Variants in TRMT11 observed in about 807,000 individuals in gnomAD.
TRMT11 encodes tRNA (guanine(10)-N(2))-methyltransferase TRMT11.
A neutral mutation model predicts 62.8 loss-of-function variants in TRMT11; 53 were observed. That is an observed-to-expected ratio of 0.84 (90% CI 0.68 to 1.06). The LOEUF (loss-of-function observed/expected upper bound fraction) is 1.06, where lower values mean the gene tolerates loss of function less well. TRMT11 is among the 50% of genes least tolerant of loss of function. The pLI, the probability that TRMT11 is intolerant of heterozygous loss-of-function variation, is 0.00. For missense variants in TRMT11, 556 were observed against 553.4 expected, an observed-to-expected ratio of 1.00 and a Z score of -0.05; for synonymous variants, 188 against 190.3, an observed-to-expected ratio of 0.99 and a Z score of 0.10.
At chr6:125,987,534 A>C (rs1789858458) in intron 1 of TRMT11, among the ~76,000 whole-genome samples, 2 of 152,194 alleles carry the variant, frequency 1.3e-5, no homozygotes, top group Non-Finnish European at 2.9e-5. Flanking sequence ...CCACAAAATT[A>C]AATCAGTTTG....
chr6:126,163,104 G>A (rs1778215211), intron 21 of TRMT11, among the ~76,000 whole-genome samples: 1 of 152,138 alleles, frequency 6.6e-6, no homozygotes, highest in Non-Finnish European at 1.5e-5. Context: ...GGTTGAGTAG[G>A]AGTGGTGAGA....
At chr6:126,029,070 C>T (rs1425209025) in intron 12 of TRMT11, among the ~76,000 whole-genome samples, 1 of 152,040 alleles carries the variant, frequency 6.6e-6, no homozygotes, top group African/African-American at 2.4e-5. Context: ...TTTAGAGCTT[C>T]TTTTATAATT....
chr6:126,177,522 G>A (rs771488984), intron 1 of TRMT11, among the ~76,000 whole-genome samples: 7 of 151,980 alleles, frequency 4.6e-5, no homozygotes, highest in Non-Finnish European at 1.0e-4. Context: ...TTATATATGT[G>A]CAATAAAGCT....
the TRMT11 span, among the ~76,000 whole-genome samples, chr6:126,215,972 G>A: frequency 2.6e-5 from 4 of 151,640 alleles, no homozygotes; most frequent in Non-Finnish European, 5.9e-5. Flanking sequence ...ATTTTTGATT[G>A]GTACATCTTT....
chr6:126,178,219 G>A (rs976453342), intron 1 of TRMT11, among the ~76,000 whole-genome samples: 1 of 152,174 alleles, frequency 6.6e-6, no homozygotes, highest in Non-Finnish European at 1.5e-5. Flanking sequence ...CACCCTTCAA[G>A]GAAAGAGTTG....
intron 11 of TRMT11, among the ~76,000 whole-genome samples, chr6:126,015,509 C>T (rs966125141): frequency 6.6e-6 from 1 of 152,112 alleles, no homozygotes; most frequent in Non-Finnish European, 1.5e-5. Flanking sequence ...TGAGCCACTG[C>T]GCCCAGCCTA....
chr6:126,229,594 A>T, the TRMT11 span, among the ~76,000 whole-genome samples: 2 of 152,228 alleles, frequency 1.3e-5, no homozygotes, highest in Non-Finnish European at 2.9e-5. Flanking sequence ...CTTGAAGTAC[A>T]AAAGATTTTC....
chr6:126,199,870 T>C (rs1778715262), exon 3 of TRMT11: 2 of 152,194 alleles, frequency 1.3e-5, no homozygotes, highest in Admixed American at 6.5e-5. Flanking sequence ...TCAGTGGTGA[T>C]AGATGGAGAA....
chr6:126,037,710 T>A (rs1775443587), intron 12 of TRMT11, among the ~76,000 whole-genome samples: 2 of 152,100 alleles, frequency 1.3e-5, no homozygotes, highest in South Asian at 2.1e-4. Context: ...GGATTTTTTT[T>A]ATTAATGCTA....
chr6:126,182,465 G>A (rs112456788), intron 1 of TRMT11, among the ~76,000 whole-genome samples: 249 of 152,064 alleles, frequency 1.6e-3, no homozygotes, highest in African/African-American at 5.7e-3. Context: ...GTGCATCTGG[G>A]CTAATGGGGT....
upstream of TRMT11, among the ~76,000 whole-genome samples, chr6:126,174,926 C>T (rs1261120597): frequency 3.3e-5 from 5 of 152,206 alleles, no homozygotes; most frequent in African/African-American, 1.2e-4. Flanking sequence ...GTCCCAACCA[C>T]ATCCATTCTT....
the TRMT11 span, among the ~76,000 whole-genome samples, chr6:126,243,530 T>C: frequency 1.3e-5 from 2 of 152,118 alleles, no homozygotes; most frequent in African/African-American, 4.8e-5. Context: ...GACTTGGAAC[T>C]AACCCAAATG....
chr6:126,188,781 C>T (rs1778557130), intron 1 of TRMT11, among the ~76,000 whole-genome samples: 1 of 152,112 alleles, frequency 6.6e-6, no homozygotes, highest in African/African-American at 2.4e-5. Context: ...ATCCCAAACA[C>T]ATGTATTGTC....
At chr6:126,223,029 C>A in the TRMT11 span, among the ~76,000 whole-genome samples, 5 of 152,184 alleles carry the variant, frequency 3.3e-5, no homozygotes, top group Non-Finnish European at 7.3e-5. Context: ...GTAACTAATT[C>A]TCTTAACATT....
the TRMT11 span, among the ~76,000 whole-genome samples, chr6:126,247,901 C>T: frequency 0.022 from 3,279 of 151,870 alleles, 132 homozygotes; most frequent in African/African-American, 0.075. Context: ...TGGAAAAAAA[C>T]CACAGGATGA....
At chr6:126,083,728 T>C (rs1250404863) in intron 17 of TRMT11, among the ~76,000 whole-genome samples, 1 of 152,158 alleles carries the variant, frequency 6.6e-6, no homozygotes, top group African/African-American at 2.4e-5. Flanking sequence ...GACTTATTCG[T>C]CATACATATC....
intron 21 of TRMT11, among the ~76,000 whole-genome samples, chr6:126,157,184 C>T (rs1778131670): frequency 6.6e-6 from 1 of 152,170 alleles, no homozygotes; most frequent in Non-Finnish European, 1.5e-5. Context: ...GGCTGCCCAC[C>T]TCTGATACCT....
intron 17 of TRMT11, among the ~76,000 whole-genome samples, chr6:126,080,524 C>T (rs1777138975): frequency 6.6e-6 from 1 of 152,076 alleles, no homozygotes; most frequent in Non-Finnish European, 1.5e-5. Context: ...GTCCAGGTCT[C>T]CTTGAGGAAG....
At chr6:126,005,174 A>G (rs1793175229) in intron 7 of TRMT11, among the ~76,000 whole-genome samples, 1 of 152,104 alleles carries the variant, frequency 6.6e-6, no homozygotes, top group Admixed American at 6.6e-5. Flanking sequence ...TGAATGGCAT[A>G]TATAACACTC....
Sources: allele counts gnomAD v4.1 joint callset (sites outside exome capture counted in the v4.1 genomes callset), GRCh38; gene constraint gnomAD v4.1.1; transcripts MANE v1.5; gene names NCBI Gene and HGNC (gene_info 2026-07-23, HGNC 2026-07-21).